The following SGCZ variants were observed in gnomAD, a reference collection of about 807,000 sequenced individuals.
SGCZ encodes zeta-sarcoglycan.
A neutral mutation model predicts 41.3 loss-of-function variants in SGCZ; 40 were observed. The observed-to-expected ratio is 0.97, with a 90% CI of 0.75 to 1.26. The LOEUF (loss-of-function observed/expected upper bound fraction) is 1.26, where lower values mean the gene tolerates loss of function less well. Among genes scored for constraint, SGCZ ranks in the 50% most tolerant of loss-of-function variants. The pLI is 0.00. For synonymous variants in SGCZ, 206 were observed against 137.5 expected (o/e 1.50, Z -3.49); for missense variants, 552 against 369.8 (o/e 1.49, Z -4.04).
At chr8:14,493,098 C>CAAA (rs1801888335) in intron 2 of SGCZ, among the ~76,000 whole-genome samples, 1 of 152,046 alleles carries the variant, frequency 6.6e-6, no homozygotes, top group Non-Finnish European at 1.5e-5. Flanking sequence ...ACTCAAAATG[C>CAAA]AAATACAATT....
intron 1 of SGCZ, among the ~76,000 whole-genome samples, chr8:14,762,501 G>C (rs56106741): frequency 0.36 from 54,306 of 152,024 alleles, 11,670 homozygotes; most frequent in East Asian, 0.51. Flanking sequence ...TTAGCACAGC[G>C]CCCAACATAT....
intron 1 of SGCZ, among the ~76,000 whole-genome samples, chr8:15,236,172 C>G (rs1364966907): frequency 6.6e-6 from 1 of 152,302 alleles, no homozygotes; most frequent in African/African-American, 2.4e-5. Flanking sequence ...TCACTGTCCT[C>G]CCTCCGTCCT....
chr8:14,847,772 A>C (rs1803184370), intron 1 of SGCZ, among the ~76,000 whole-genome samples: 1 of 135,892 alleles, frequency 7.4e-6, no homozygotes, highest in Non-Finnish European at 1.6e-5. Context: ...GCCGCAGCTA[A>C]CATCATAGTT....
chr8:15,085,424 C>T (rs1251434113), intron 1 of SGCZ, among the ~76,000 whole-genome samples: 3 of 152,232 alleles, frequency 2.0e-5, no homozygotes, highest in African/African-American at 7.2e-5. Context: ...TGGGTCCATT[C>T]ATCAGGAAAA....
chr8:14,534,131 G>A (rs1338492689), intron 2 of SGCZ, among the ~76,000 whole-genome samples: 2 of 152,004 alleles, frequency 1.3e-5, no homozygotes, highest in Admixed American at 6.6e-5. Context: ...GCCACTTGGA[G>A]TTGGAAACTG....
chr8:14,689,237 C>T (rs1205341542), intron 1 of SGCZ, among the ~76,000 whole-genome samples: 1 of 151,882 alleles, frequency 6.6e-6, no homozygotes, highest in Non-Finnish European at 1.5e-5. Context: ...ATCTATATAG[C>T]TTTTTTGAAA....
chr8:14,423,729 AT>A (rs1799699372), intron 2 of SGCZ, among the ~76,000 whole-genome samples: 1 of 151,884 alleles, frequency 6.6e-6, no homozygotes, highest in Non-Finnish European at 1.5e-5. Context: ...TTAATATTTC[AT>A]TTTGCTTCTC....
intron 1 of SGCZ, among the ~76,000 whole-genome samples, chr8:15,107,831 T>C (rs952862977): frequency 2.6e-5 from 4 of 152,164 alleles, no homozygotes; most frequent in Non-Finnish European, 5.9e-5. Flanking sequence ...TTTCTTCCAT[T>C]GCCATAGATC....
intron 5 of SGCZ, among the ~76,000 whole-genome samples, chr8:14,144,139 C>T (rs568560031): frequency 6.6e-6 from 1 of 152,264 alleles, no homozygotes; most frequent in East Asian, 1.9e-4. Flanking sequence ...GACTGACATA[C>T]TGAGACAACA....
intron 1 of SGCZ, among the ~76,000 whole-genome samples, chr8:14,902,039 A>G (rs1052982186): frequency 2.0e-5 from 3 of 152,178 alleles, no homozygotes; most frequent in Non-Finnish European, 2.9e-5. Context: ...AAATTATTAT[A>G]CATTTTAGTG....
At chr8:14,315,135 T>C (rs576768320) in intron 3 of SGCZ, among the ~76,000 whole-genome samples, 1 of 152,140 alleles carries the variant, frequency 6.6e-6, no homozygotes, top group East Asian at 1.9e-4. Context: ...TGGCTCACCT[T>C]GGAGTCCTGA....
intron 2 of SGCZ, among the ~76,000 whole-genome samples, chr8:14,455,131 A>T (rs1800705473): frequency 6.6e-6 from 1 of 152,184 alleles, no homozygotes; most frequent in Non-Finnish European, 1.5e-5. Flanking sequence ...ACCATGGTTG[A>T]AGGGCTAATA....
chr8:14,627,635 T>C (rs1034315466), intron 1 of SGCZ, among the ~76,000 whole-genome samples: 16 of 151,860 alleles, frequency 1.1e-4, no homozygotes, highest in African/African-American at 2.4e-5. Flanking sequence ...TTCAGCACTT[T>C]TTTTCCTATG....
chr8:14,389,738 G>C lies in SGCZ; in HGVS notation c.235-65534C>G, dbSNP rs529194697. Among the ~76,000 whole-genome samples, 3 of 152,008 alleles carry C rather than the reference G, an allele frequency of 2.0e-5. No individual in the cohort carries two copies. The East Asian group carries it at 5.8e-4, about 29-fold the overall frequency. ...AAATGAGAATGAAGAAACTCGCAAA[G>C]AGCAAACATCTGGCTAAAACTGAGC... On this transcript the variant is annotated intron_variant, in intron 2 of 7. Coordinates refer to ENST00000382080, the MANE Select transcript of SGCZ (RefSeq NM_139167.4).
chr8:14,549,151 T>TTGTGTGTG (rs140951856), intron 2 of SGCZ, among the ~76,000 whole-genome samples: 1 of 151,076 alleles, frequency 6.6e-6, no homozygotes, highest in African/African-American at 2.4e-5. Flanking sequence ...AAATTCAAGT[T>TTGTGTGTG]TGTGTGTGTG....
At chr8:14,997,946 T>G (rs1009322288) in intron 1 of SGCZ, among the ~76,000 whole-genome samples, 3 of 151,292 alleles carry the variant, frequency 2.0e-5, no homozygotes, top group Non-Finnish European at 2.9e-5. Flanking sequence ...GGCGAAAGAG[T>G]GAGACTCTGT....
intron 1 of SGCZ, among the ~76,000 whole-genome samples, chr8:15,134,654 C>T (rs1808043483): frequency 6.6e-6 from 1 of 152,126 alleles, no homozygotes; most frequent in South Asian, 2.1e-4. Flanking sequence ...ACAGCTGATT[C>T]TATGCAAGAC....
At chr8:15,091,821 C>T (rs138760297) in intron 1 of SGCZ, among the ~76,000 whole-genome samples, 2 of 152,244 alleles carry the variant, frequency 1.3e-5, no homozygotes, top group African/African-American at 4.8e-5. Flanking sequence ...GTTGTGATCA[C>T]GGCTCACTGC....
At chr8:14,357,628 G>A (rs1345354525) in intron 2 of SGCZ, among the ~76,000 whole-genome samples, 2 of 152,018 alleles carry the variant, frequency 1.3e-5, no homozygotes, top group Non-Finnish European at 2.9e-5. Flanking sequence ...ACTTTCCCTG[G>A]GAAGTATAAA....
Sources: allele counts gnomAD v4.1 joint callset (sites outside exome capture counted in the v4.1 genomes callset), GRCh38; gene constraint gnomAD v4.1.1; transcripts MANE v1.5; gene names NCBI Gene and HGNC (gene_info 2026-07-23, HGNC 2026-07-21).